Variants in SLC6A3 observed in about 807,000 individuals in gnomAD.
SLC6A3 encodes solute carrier family 6 member 3.
SLC6A3 carries 19 observed loss-of-function variants against 70.4 expected under a neutral mutation model. The ratio of observed to expected loss-of-function variants is 0.27; its 90% CI spans 0.19 to 0.40. The LOEUF is 0.40. Ranked by LOEUF, SLC6A3 falls within the 10% of genes least tolerant of loss-of-function variation. The probability of loss-of-function intolerance (pLI) is 1.00; values close to 1 mark genes in which losing one functional copy is unlikely to be tolerated. For missense variants in SLC6A3, 613 were observed against 838.5 expected (o/e 0.73, Z 3.32); for synonymous variants, 368 against 356.6 (o/e 1.03, Z -0.36).
chr5:1,444,437 C>T (rs922920339), intron 1 of SLC6A3, among the ~76,000 whole-genome samples: 2 of 152,138 alleles, frequency 1.3e-5, no homozygotes, highest in African/African-American at 4.8e-5. Flanking sequence ...CACTTACACA[C>T]ATACACACTC....
At chr5:1,414,608 T>G (rs907439475) in intron 8 of SLC6A3, 83 bp downstream of exon 8, 2 of 1,528,756 alleles carry the variant, frequency 1.3e-6, no homozygotes, top group Admixed American at 1.9e-5. Context: ...GTCTCCTTCC[T>G]CTTTCACAAG....
intron 4 of SLC6A3, among the ~76,000 whole-genome samples, chr5:1,429,727 C>T (rs1303622018): frequency 1.3e-5 from 2 of 152,230 alleles, no homozygotes; most frequent in Non-Finnish European, 2.9e-5. Context: ...CCTGGTGGCA[C>T]CTCTGCGGCC....
At position 1,408,927 on chromosome 5, in the gene SLC6A3, C is replaced by A; in HGVS notation, c.1498+99G>T. 1.2e-6 allele frequency: 1 copy of A among 818,260 alleles called. No homozygotes were observed. Among genetic ancestry groups the A allele is most frequent in the East Asian group, 2.6e-5 (1 of 38,146 alleles). The allele number at this position is 818,260 out of a possible 1,614,324, so 50.7% of individuals were successfully genotyped here. A position where few individuals can be genotyped will look rare whatever the true frequency, so the allele number is the denominator to read the frequency against. ...TGATGACCACAACCCAGGCTTCCTGCAGCTGAAAGGTGTTTCCTCACGGAG... is the reference window on the plus strand; with the variant it reads ...TGATGACCACAACCCAGGCTTCCTGAAGCTGAAAGGTGTTTCCTCACGGAG... On this transcript the variant is annotated intron_variant, in intron 11 of 14. Coordinates refer to ENST00000270349, the MANE Select transcript of SLC6A3 (RefSeq NM_001044.5). The surrounding 1 kb of genome is among the most constrained non-coding windows in gnomAD (Gnocchi z 6.4).
At chr5:1,440,318 T>C (rs543829238) in intron 3 of SLC6A3, among the ~76,000 whole-genome samples, 3 of 152,022 alleles carry the variant, frequency 2.0e-5, no homozygotes, top group Admixed American at 1.3e-4. Context: ...GATGGATCGA[T>C]AGGTAGATGG....
intron 6 of SLC6A3, among the ~76,000 whole-genome samples, chr5:1,419,505 G>C (rs1756386082): frequency 6.6e-6 from 1 of 152,196 alleles, no homozygotes; most frequent in African/African-American, 2.4e-5. Flanking sequence ...GGAGCACTAG[G>C]CTCTACGTTG....
intron 14 of SLC6A3, 84 bp downstream of exon 14, chr5:1,400,831 G>A (rs2126319069): frequency 6.7e-6 from 7 of 1,046,772 alleles, no homozygotes; most frequent in East Asian, 5.2e-5. Context: ...CACCAGCCTC[G>A]GAGCCCCCTG....
intron 8 of SLC6A3, 100 bp downstream of exon 8, chr5:1,414,591 C>G: frequency 7.2e-7 from 1 of 1,381,096 alleles, no homozygotes. Flanking sequence ...TCGCTCAGGG[C>G]CCATGCGTCT....
chr5:1,438,344 T>C lies in SLC6A3; in HGVS notation c.418+3015A>G, dbSNP rs1236496360. Among the ~76,000 whole-genome samples the C allele has an allele frequency of 6.6e-6, 1 of 152,228 alleles. No homozygotes were observed. Among genetic ancestry groups the C allele is most frequent in the East Asian group, 1.9e-4 (1 of 5,204 alleles). ...GAAGCTGGCGGCATGGAATGCGGGA[T>C]TGTGGGCACAGGGTCTGTGACACAG... On this transcript the variant is annotated intron_variant, in intron 3 of 14. Transcript: ENST00000270349. This position sits in a 1 kb window ranked among gnomAD's most constrained non-coding sequence, Gnocchi z 6.5.
rs546947637 is a variant in SLC6A3, at chr5:1,436,887, C to T, written c.419-4189G>A. On this transcript the variant is annotated intron_variant, in intron 3 of 14. Coordinates refer to ENST00000270349, the MANE Select transcript of SLC6A3 (RefSeq NM_001044.5). The surrounding 1 kb of genome is among the most constrained non-coding windows in gnomAD (Gnocchi z 5.2). ...GTGTTGTCAACGCATGCACGGATCC[C>T]GCTGGAGGAAGCCTCTGGTGGAGCA... Among the ~76,000 whole-genome samples, 53 of 152,272 alleles carry T rather than the reference C, an allele frequency of 3.5e-4. No individual in the cohort carries two copies. Among genetic ancestry groups the T allele is most frequent in the African/African-American group, 7.2e-4 (30 of 41,566 alleles).
At position 1,411,440 on chromosome 5, in the gene SLC6A3, G is replaced by A; in HGVS notation, c.1157-85C>T. The A allele has an allele frequency of 1.0e-6, 1 of 984,754 alleles. No individual in the cohort carries two copies. The highest frequency in any genetic ancestry group is 1.6e-6 in the Non-Finnish European group (1 of 634,788). 61.0% of individuals were successfully genotyped at this position (984,754 alleles called of 1,614,324 possible). On this transcript the variant is annotated intron_variant, in intron 8 of 14. Coordinates refer to ENST00000270349, the MANE Select transcript of SLC6A3 (RefSeq NM_001044.5). The surrounding 1 kb of genome is among the most constrained non-coding windows in gnomAD (Gnocchi z 6.5). ...GCCCCACCCCGCCCCGAGAAGCATG[G>A]CCTGCCACAGGCCTGTAGAGACTAG... is the stretch of plus-strand genomic sequence containing the variant.
rs1755915774 is a variant in SLC6A3, at chr5:1,404,163, C to T, written c.1600-1074G>A. Among the ~76,000 whole-genome samples, 1 of 152,234 alleles carries T rather than the reference C, an allele frequency of 6.6e-6. No individual in the cohort carries two copies. Among genetic ancestry groups the T allele is most frequent in the African/African-American group, 2.4e-5 (1 of 41,464 alleles). On this transcript the variant is annotated intron_variant, in intron 12 of 14. Transcript: ENST00000270349. The surrounding 1 kb of genome is among the most constrained non-coding windows in gnomAD (Gnocchi z 5.2). ...GACGCGTGTCTCATGCCAGTCTCAG[C>T]ATCTTCTTCATGCGCTACTTCGGGC... is the stretch of plus-strand genomic sequence containing the variant.
rs1039596031 is a variant in SLC6A3 at position 1,442,045 on chromosome 5, C to T, written c.287-555G>A. 3.9e-5 allele frequency among the ~76,000 whole-genome samples: 6 copies of T among 152,164 alleles called. No individual in the cohort carries two copies. The highest frequency in any genetic ancestry group is 5.9e-5 in the Non-Finnish European group (4 of 68,022). On this transcript the variant is annotated intron_variant, in intron 2 of 14. Transcript: ENST00000270349. This position sits in a 1 kb window ranked among gnomAD's most constrained non-coding sequence, Gnocchi z 5.0. ...AGTTCCTCTGAAACCTGCACCTCCC[C>T]CACCCCCAGCACAAAGCCCAGGGAA...
rs1756903603 is a variant in SLC6A3 at position 1,438,962 on chromosome 5, C to T, written c.418+2397G>A. Among the ~76,000 whole-genome samples the T allele has an allele frequency of 6.6e-6, 1 of 152,250 alleles. No individual in the cohort carries two copies. The highest frequency in any genetic ancestry group is 1.5e-5 in the Non-Finnish European group (1 of 68,046). ...TCCAACACGGACCACGGTGCAAGCT[C>T]AGCATCGCTTACGACTGCAGGCTCA... is the stretch of plus-strand genomic sequence containing the variant. On this transcript the variant is annotated intron_variant, in intron 3 of 14. Transcript: ENST00000270349. This position sits in a 1 kb window ranked among gnomAD's most constrained non-coding sequence, Gnocchi z 6.5.
Position 1,400,927 on chromosome 5 carries a change from C to A in SLC6A3, c.1827G>T (p.Val609=). 6.3e-7 allele frequency: 1 copy of A among 1,588,806 alleles called. No homozygotes were observed. The highest frequency in any genetic ancestry group is 8.6e-7 in the Non-Finnish European group (1 of 1,165,152). Residue 609 remains valine (V), a synonymous_variant, in exon 14 of 15, where the codon GTG becomes GTT. Coordinates refer to ENST00000270349, the MANE Select transcript of SLC6A3 (RefSeq NM_001044.5). ...ACCTCGACCTCACCGTGAACTGGCG[C>A]ACCTCCCCTCTGTCCACCAGCTCAC... ...KDRELVDRGE[V]RQFTLRHWLK...
chr5:1,406,338 C>G lies in SLC6A3; in HGVS notation c.1499-50G>C. ...TGTCCATCAGGGCAGCGCATTCCCC[C>G]GATGCTGGACACGTGTGGGGGTCCT... On this transcript the variant is annotated intron_variant, in intron 11 of 14. Coordinates refer to ENST00000270349, the MANE Select transcript of SLC6A3 (RefSeq NM_001044.5). The surrounding 1 kb of genome is among the most constrained non-coding windows in gnomAD (Gnocchi z 8.8). 1 of 1,466,194 alleles carries G rather than the reference C, an allele frequency of 6.8e-7. No individual in the cohort carries two copies. The highest frequency in any genetic ancestry group is 9.6e-7 in the Non-Finnish European group (1 of 1,046,102). 90.8% of individuals were successfully genotyped at this position (1,466,194 alleles called of 1,614,324 possible). A position where few individuals can be genotyped will look rare whatever the true frequency, so the allele number is the denominator to read the frequency against.
chr5:1,405,695 G>A lies in SLC6A3; in HGVS notation c.1599+493C>T, dbSNP rs1354819940. 2.0e-5 allele frequency among the ~76,000 whole-genome samples: 3 copies of A among 152,220 alleles called. No individual in the cohort carries two copies. Among genetic ancestry groups the A allele is most frequent in the African/African-American group, 7.2e-5 (3 of 41,456 alleles). On this transcript the variant is annotated intron_variant, in intron 12 of 14. Coordinates refer to ENST00000270349, the MANE Select transcript of SLC6A3 (RefSeq NM_001044.5). The surrounding 1 kb of genome is among the most constrained non-coding windows in gnomAD (Gnocchi z 5.3). Reference sequence around the variant, plus strand: ...CTTGCCCGGTGGGCCCTGACTCGGTGGCGGATGACAGAAGCAAGTGCCTAC... The same window carrying A: ...CTTGCCCGGTGGGCCCTGACTCGGTAGCGGATGACAGAAGCAAGTGCCTAC...
rs1755657839 is a variant in SLC6A3, at chr5:1,394,289, T to C, written c.*446A>G. ...CCAAGCAGGACACTTGGCTTTTTAA[T>C]ATGGGCAAAGTAAATGGTCTAGGAA... On this transcript the variant is annotated 3_prime_UTR_variant, in exon 15 of 15. Transcript: ENST00000270349. This position sits in a 1 kb window ranked among gnomAD's most constrained non-coding sequence, Gnocchi z 4.7. 8.6e-6 allele frequency: 2 copies of C among 233,096 alleles called. No individual in the cohort carries two copies. The highest frequency in any genetic ancestry group is 1.5e-4 in the South Asian group (2 of 13,564). The allele number at this position is 233,096 out of a possible 1,614,324, so 14.4% of individuals were successfully genotyped here. A position where few individuals can be genotyped will look rare whatever the true frequency, so the allele number is the denominator to read the frequency against.
In SLC6A3 at chr5:1,393,709, C is replaced by T. The variant is rs200902487; in HGVS notation, c.*1026G>A. 8 of 131,932 alleles carry T rather than the reference C, an allele frequency of 6.1e-5. No individual in the cohort carries two copies. Among genetic ancestry groups the T allele is most frequent in the Non-Finnish European group, 1.6e-5 (1 of 63,762 alleles). 8.2% of individuals were successfully genotyped at this position (131,932 alleles called of 1,614,324 possible). A position where few individuals can be genotyped will look rare whatever the true frequency, so the allele number is the denominator to read the frequency against. On this transcript the variant is annotated 3_prime_UTR_variant, in exon 15 of 15. Coordinates refer to ENST00000270349, the MANE Select transcript of SLC6A3 (RefSeq NM_001044.5). ...GGGTAGTACACGCTCCTGTGGGGGC[C>T]CTGCATGCGTCCGGTCCGGGGATAG... is the stretch of plus-strand genomic sequence containing the variant.
At chr5:1,410,072 A>C (rs1430146121) in intron 9 of SLC6A3, among the ~76,000 whole-genome samples, 1 of 152,204 alleles carries the variant, frequency 6.6e-6, no homozygotes, top group East Asian at 1.9e-4. Context: ...GGACCACTGT[A>C]TCCACGGTAG....
Sources: allele counts gnomAD v4.1 joint callset (sites outside exome capture counted in the v4.1 genomes callset), GRCh38; gene constraint gnomAD v4.1.1; non-coding constraint Gnocchi (gnomAD v3.1); transcripts MANE v1.5; gene names NCBI Gene and HGNC (gene_info 2026-07-23, HGNC 2026-07-21).